Variants in CELSR3 observed in about 807,000 individuals in gnomAD.
The protein encoded by CELSR3 is EGF-like protein 1.
CELSR3 carries 73 observed loss-of-function variants against 270.0 expected under a neutral mutation model. The ratio of observed to expected loss-of-function variants is 0.27; its 90% CI spans 0.22 to 0.33. The LOEUF (loss-of-function observed/expected upper bound fraction) is 0.33. Among genes scored for constraint, CELSR3 ranks in the 10% least tolerant of loss-of-function variants. The probability of loss-of-function intolerance (pLI) is 1.00; values close to 1 mark genes in which losing one functional copy is unlikely to be tolerated. For synonymous variants in CELSR3, 1,780 were observed against 1,905.4 expected, an observed-to-expected ratio of 0.93 and a Z score of 1.71; for missense variants, 3,614 against 4,533.8, an observed-to-expected ratio of 0.80 and a Z score of 5.83.
chr3:48,645,314 C>T lies in CELSR3; in HGVS notation c.7798-105G>A, dbSNP rs1175191125. On this transcript the variant is annotated intron_variant, in intron 24 of 34. Transcript: ENST00000164024. The surrounding 1 kb of genome is among the most constrained non-coding windows in gnomAD (Gnocchi z 5.4). The stretch of plus-strand genomic sequence containing the variant: ...CTCACCCCTAAACCACAATATCTTA[C>T]CCCAGCATCCTGCTGAAAACCCTGG... The T allele has an allele frequency of 7.2e-6, 11 of 1,536,714 alleles. No individual in the cohort carries two copies. Among genetic ancestry groups the T allele is most frequent in the African/African-American group, 1.4e-5 (1 of 73,298 alleles).
chr3:48,656,209 G>C lies in CELSR3; in HGVS notation c.4556C>G (p.Ser1519Cys). The C allele has an allele frequency of 6.5e-7, 1 of 1,537,106 alleles. No homozygotes were observed. The highest frequency in any genetic ancestry group is 8.7e-7 in the Non-Finnish European group (1 of 1,147,616). ...EGPRCEVAAR[S>C]FPPSSFVMFR... ...CATGACGAACGAACTGGGCGGGAAG[G>C]AGCGCGCAGCCACCTCGCAGCGCGG... Residue 1519 changes from serine (S) to cysteine (C), a missense_variant, in exon 3 of 35, where the codon TCC becomes TGC. Physicochemically the swap from Ser to Cys is moderately radical, Grantham distance 112. Coordinates refer to ENST00000164024, the MANE Select transcript of CELSR3 (RefSeq NM_001407.3).
At chr3:48,643,785 A>G (rs2047052214) in intron 27 of CELSR3, 108 bp from the exon 28 acceptor site, 1 of 1,330,270 alleles carries the variant, frequency 7.5e-7, no homozygotes, top group Non-Finnish European at 1.0e-6. Flanking sequence ...CGTGAAAAAA[A>G]GGAACTCACA....
In CELSR3 at chr3:48,647,863, G is replaced by T. The variant is rs761305495; in HGVS notation, c.7107C>A (p.Ser2369=). ...CACCTTCAGATGGGGATGGCCGTGG[G>T]GACTGGGAAGGCAGCAGCACATGGG... ...PHTHVLLPSQ[S]PRPSPSEVLP... The change falls in exon 20 of 35, where the codon TCC becomes TCA. Residue 2369 remains serine (S), a synonymous_variant. Transcript: ENST00000164024. The T allele has an allele frequency of 6.2e-7, 1 of 1,610,840 alleles. No homozygotes were observed. Among genetic ancestry groups the T allele is most frequent in the Non-Finnish European group, 8.5e-7 (1 of 1,179,546 alleles).
chr3:48,651,643 G>A lies in CELSR3; in HGVS notation c.5999C>T (p.Pro2000Leu), dbSNP rs955291581. 1 of 1,589,796 alleles carries A rather than the reference G, an allele frequency of 6.3e-7. No individual in the cohort carries two copies. Among genetic ancestry groups the A allele is most frequent in the Non-Finnish European group, 8.6e-7 (1 of 1,168,332 alleles). Residue 2000 changes from proline (P) to leucine (L), a missense_variant, in exon 13 of 35, where the codon CCA becomes CTA. By Grantham distance (98) the Pro-to-Leu change is moderately conservative. Around this residue, in one of 7 missense-constraint regions of CELSR3, gnomAD observed 1,331 missense variants for 1,933.7 expected, o/e 0.69. Coordinates refer to ENST00000164024, the MANE Select transcript of CELSR3 (RefSeq NM_001407.3). The surrounding 1 kb of genome is among the most constrained non-coding windows in gnomAD (Gnocchi z 7.4). ...CQNQGSCRHL[P>L]GAPHGYTCDC... ...ACAGGTATAGCCATGGGGGGCTCCT[G>A]GCAGGTGCCGGCATGATCCCTGGTT...
chr3:48,642,810 G>A lies in CELSR3; in HGVS notation c.8481C>T (p.Thr2827=), dbSNP rs766138738. The A allele has an allele frequency of 9.3e-6, 15 of 1,613,006 alleles. No homozygotes were observed. The highest frequency in any genetic ancestry group is 4.0e-5 in the African/African-American group (3 of 74,930). Residue 2827 remains threonine (T), a synonymous_variant, in exon 30 of 35, where the codon ACC becomes ACT. Transcript: ENST00000164024. This position sits in a 1 kb window ranked among gnomAD's most constrained non-coding sequence, Gnocchi z 6.1. The part of the protein sequence containing the change: ...GLIRITLGAS[T]VSSVSSARSG... The stretch of plus-strand genomic sequence containing the variant: ...AGCGGGCACTGCTCACAGAGGAGAC[G>A]GTGGAGGCGCCCAGAGTGATGCGGA...
In CELSR3 at chr3:48,654,968, T is replaced by G; in HGVS notation, c.4988+76A>C. The G allele has an allele frequency of 6.4e-6, 9 of 1,406,458 alleles. No individual in the cohort carries two copies. The highest frequency in any genetic ancestry group is 2.9e-5 in the African/African-American group (2 of 70,158). 87.1% of individuals were successfully genotyped at this position (1,406,458 alleles called of 1,614,324 possible). Reference sequence around the variant, plus strand: ...GATGGGAGAGTTTGGCAGGATGGGATGAGGAATGGGATGTGAAGGGTTGGA... The same window carrying G: ...GATGGGAGAGTTTGGCAGGATGGGAGGAGGAATGGGATGTGAAGGGTTGGA... On this transcript the variant is annotated intron_variant, in intron 6 of 34. Coordinates refer to ENST00000164024, the MANE Select transcript of CELSR3 (RefSeq NM_001407.3). This position sits in a 1 kb window ranked among gnomAD's most constrained non-coding sequence, Gnocchi z 5.4.
Position 48,642,671 on chromosome 3 carries a change from A to G in CELSR3, c.8555+65T>C. 1.3e-6 allele frequency: 2 copies of G among 1,560,350 alleles called. No homozygotes were observed. Among genetic ancestry groups the G allele is most frequent in the South Asian group, 2.4e-5 (2 of 84,268 alleles). ...CACCCGCCCTAGGACCTGGTCAGCC[A>G]AGCCCTGGTAAGGTGGGGCTGGACT... On this transcript the variant is annotated intron_variant, in intron 30 of 34. Transcript: ENST00000164024. This position sits in a 1 kb window ranked among gnomAD's most constrained non-coding sequence, Gnocchi z 6.1.
Position 48,656,882 on chromosome 3 carries a change from C to G in CELSR3, c.4215G>C (p.Ser1405=). The change falls in exon 2 of 35, where the codon TCG becomes TCC. Residue 1405 remains serine, a synonymous_variant. Coordinates refer to ENST00000164024, the MANE Select transcript of CELSR3 (RefSeq NM_001407.3). ...RFDSSAPFLA[S]ASTLFRPIQP... ...GGATGGGTCGGAACAGCGTGGAGGC[C>G]GAGGCCAGGAAGGGCGCGGACGAGT... 2 of 1,609,492 alleles carry G rather than the reference C, an allele frequency of 1.2e-6. No individual in the cohort carries two copies. The highest frequency in any genetic ancestry group is 1.3e-5 in the African/African-American group (1 of 75,002).
Position 48,660,970 on chromosome 3 carries a change from G to A in CELSR3, c.1665C>T (p.Arg555=). 1.2e-6 allele frequency: 2 copies of A among 1,613,896 alleles called. No individual in the cohort carries two copies. Among genetic ancestry groups the A allele is most frequent in the Non-Finnish European group, 1.7e-6 (2 of 1,180,040 alleles). ...FSEKRYVAQV[R]EDVRPHTVVL... ...CGACTGTGTGGGGGCGCACATCCTC[G>A]CGCACCTGCGCCACGTAGCGCTTCT... is the stretch of plus-strand genomic sequence containing the variant. The change falls in exon 1 of 35, where the codon CGC becomes CGT. Residue 555 remains arginine, a synonymous_variant. Transcript: ENST00000164024. The surrounding 1 kb of genome is among the most constrained non-coding windows in gnomAD (Gnocchi z 5.5).
chr3:48,652,593 C>T lies in CELSR3; in HGVS notation c.5635-40G>A. 1 of 1,466,800 alleles carries T rather than the reference C, an allele frequency of 6.8e-7. No homozygotes were observed. The highest frequency in any genetic ancestry group is 9.4e-7 in the Non-Finnish European group (1 of 1,068,734). 90.9% of individuals were successfully genotyped at this position (1,466,800 alleles called of 1,614,324 possible). On this transcript the variant is annotated intron_variant, in intron 10 of 34. Coordinates refer to ENST00000164024, the MANE Select transcript of CELSR3 (RefSeq NM_001407.3). This position sits in a 1 kb window ranked among gnomAD's most constrained non-coding sequence, Gnocchi z 4.3. ...GCAGTCAGCACTGAGGGAGAGGGGCCTGATGAACCCCTGTCATAGCCCAGA... is the reference window on the plus strand; with the variant it reads ...GCAGTCAGCACTGAGGGAGAGGGGCTTGATGAACCCCTGTCATAGCCCAGA...
intron 27 of CELSR3, chr3:48,643,939 G>A (rs901462798): frequency 1.7e-6 from 1 of 590,760 alleles, no homozygotes; most frequent in Non-Finnish European, 3.0e-6. Context: ...AGACAGGTGG[G>A]AACACACAGG....
rs768945776 is a variant in CELSR3 at position 48,659,850 on chromosome 3, G to A, written c.2785C>T (p.Leu929=). 4 of 1,614,238 alleles carry A rather than the reference G, an allele frequency of 2.5e-6. No individual in the cohort carries two copies. The South Asian group carries it at 3.3e-5, about 13-fold the overall frequency. Residue 929 remains leucine (L), a synonymous_variant, in exon 1 of 35, where the codon CTG becomes TTG. Coordinates refer to ENST00000164024, the MANE Select transcript of CELSR3 (RefSeq NM_001407.3). The surrounding 1 kb of genome is among the most constrained non-coding windows in gnomAD (Gnocchi z 8.1). Reference sequence around the variant, plus strand: ...CCATTGTCCCGAGCTGTGATAGCCAGGGTGTAGGTCACCTGGTCCTCATAG... The same window carrying A: ...CCATTGTCCCGAGCTGTGATAGCCAAGGTGTAGGTCACCTGGTCCTCATAG... ...LDYEDQVTYT[L]AITARDNGIP... is the part of the protein sequence containing the mutation.
chr3:48,641,923 G>C lies in CELSR3; in HGVS notation c.8752C>G (p.Arg2918Gly), dbSNP rs747576733. 2.5e-6 allele frequency: 4 copies of C among 1,600,522 alleles called. No individual in the cohort carries two copies. Among genetic ancestry groups the C allele is most frequent in the Admixed American group, 3.5e-5 (2 of 57,710 alleles). ...GGCCGTTGGAAGCGCCCCCGCGTCC[G>C]GCCATTGTCCTCGCTTTCTGAAGAT... is the stretch of plus-strand genomic sequence containing the variant. ...IPSSESEDNGRTRGRFQRPLC... is the reference protein window; with the variant it reads ...IPSSESEDNGGTRGRFQRPLC... The change falls in exon 32 of 35, where the codon CGG becomes GGG. Residue 2918 changes from arginine (R) to glycine (G), a missense_variant. Arg to Gly is a moderately radical substitution (Grantham distance 125, BLOSUM62 -2). This residue lies in a region of CELSR3 where 1,240 missense variants were observed against 1,351.7 expected (regional missense o/e 0.92). Coordinates refer to ENST00000164024, the MANE Select transcript of CELSR3 (RefSeq NM_001407.3). The surrounding 1 kb of genome is among the most constrained non-coding windows in gnomAD (Gnocchi z 4.8).
Position 48,656,899 on chromosome 3 carries a change from C to T in CELSR3, c.4198G>A (p.Ala1400Thr), listed in dbSNP as rs140447919. ...GTGGAGGCCGAGGCCAGGAAGGGCG[C>T]GGACGAGTCAAAGCGGAGCACGGAC... Reference protein sequence around the residue: ...CVSVLRFDSSAPFLASASTLF... With the variant: ...CVSVLRFDSSTPFLASASTLF... The change falls in exon 2 of 35, where the codon GCG becomes ACG. Residue 1400 changes from alanine to threonine, a missense_variant. Ala to Thr is a moderately conservative substitution (Grantham distance 58). This residue lies in a region of CELSR3 where 1,331 missense variants were observed against 1,933.7 expected (regional missense o/e 0.69). Coordinates refer to ENST00000164024, the MANE Select transcript of CELSR3 (RefSeq NM_001407.3). 2 of 1,609,940 alleles carry T rather than the reference C, an allele frequency of 1.2e-6. No homozygotes were observed. Among genetic ancestry groups the T allele is most frequent in the South Asian group, 2.2e-5 (2 of 90,444 alleles).
Position 48,661,463 on chromosome 3 carries a change from A to C in CELSR3, c.1172T>G (p.Leu391Arg). The change falls in exon 1 of 35, where the codon CTG becomes CGG. Residue 391 changes from leucine to arginine, a missense_variant. By Grantham distance (102) the Leu-to-Arg change is moderately radical (BLOSUM62 -2). This residue lies in a region of CELSR3 where 354 missense variants were observed against 500.9 expected (regional missense o/e 0.71). Coordinates refer to ENST00000164024, the MANE Select transcript of CELSR3 (RefSeq NM_001407.3). ...GTGACGCTCCATGCTCTCGCGGTCC[A>C]GAGCTGCCGCCGTACGGATAAGGCC... ...QSGLIRTAAA[L>R]DRESMERHYL... is the part of the protein sequence containing the mutation. 1 of 1,608,832 alleles carries C rather than the reference A, an allele frequency of 6.2e-7. No homozygotes were observed. Among genetic ancestry groups the C allele is most frequent in the Non-Finnish European group, 8.5e-7 (1 of 1,178,014 alleles).
rs754032996 is a variant in CELSR3, at chr3:48,652,515, C to T, written c.5673G>A (p.Lys1891=). 27 of 1,613,414 alleles carry T rather than the reference C, an allele frequency of 1.7e-5. No homozygotes were observed. Among genetic ancestry groups the T allele is most frequent in the Non-Finnish European group, 2.3e-5 (27 of 1,179,882 alleles). Residue 1891 remains lysine, a synonymous_variant, in exon 11 of 35, where the codon AAG becomes AAA. Transcript: ENST00000164024. This position sits in a 1 kb window ranked among gnomAD's most constrained non-coding sequence, Gnocchi z 4.3. ...MAVGSELQGL[K]VKQLHVGGLP... is the part of the protein sequence containing the mutation. ...GGCCTCCCACGTGGAGCTGCTTTAC[C>T]TTCAGGCCCTGCAGCTCACTCCCCA...
intron 28 of CELSR3, chr3:48,643,307 G>A (rs1057389860): frequency 3.1e-6 from 2 of 635,034 alleles, no homozygotes; most frequent in African/African-American, 1.8e-5. Context: ...AAGGGGTCGG[G>A]AGCCTTGGTG....
Position 48,642,181 on chromosome 3 carries a change from C to T in CELSR3, c.8666-172G>A, listed in dbSNP as rs544468713. 1.0e-5 allele frequency: 9 copies of T among 872,920 alleles called. No homozygotes were observed. In the East Asian group the frequency reaches 1.1e-4, roughly 10 times the overall value. 54.1% of individuals were successfully genotyped at this position (872,920 alleles called of 1,614,324 possible). On this transcript the variant is annotated intron_variant, in intron 31 of 34. Transcript: ENST00000164024. The surrounding 1 kb of genome is among the most constrained non-coding windows in gnomAD (Gnocchi z 6.1). ...GGCTGGGACTTATCAGAGGGAAGGACGAATCAGGAGTGGACTGGGAGAACC... is the reference window on the plus strand; with the variant it reads ...GGCTGGGACTTATCAGAGGGAAGGATGAATCAGGAGTGGACTGGGAGAACC...
chr3:48,648,218 T>C, intron 19 of CELSR3, 48 bp downstream of exon 19: 1 of 1,584,976 alleles, frequency 6.3e-7, no homozygotes, highest in Non-Finnish European at 8.6e-7. Context: ...GTACCTGCCC[T>C]TTCATGGCCC....
Sources: gnomAD v4.1 joint callset for allele counts on GRCh38, gnomAD v4.1.1 for gene constraint, gnomAD v4.1.1 regional missense constraint, Gnocchi (gnomAD v3.1) non-coding constraint, MANE v1.5 for transcripts, NCBI Gene and HGNC (gene_info 2026-07-23, HGNC 2026-07-21) for gene names.